GRIP1: variants seen among roughly 807,000 people sequenced by gnomAD.
The protein encoded by GRIP1 is glutamate receptor-interacting protein 1.
A neutral mutation model predicts 129.9 loss-of-function variants in GRIP1; 45 were observed. The observed-to-expected ratio is 0.35, with a 90% CI of 0.27 to 0.44. The LOEUF is 0.44. GRIP1 is among the 20% of genes least tolerant of loss of function. The pLI is 1.00. For missense variants in GRIP1, 1,196 were observed against 1,396.8 expected, an observed-to-expected ratio of 0.86 and a Z score of 2.29; for synonymous variants, 530 against 520.8, an observed-to-expected ratio of 1.02 and a Z score of -0.24.
At chr12:66,991,666 G>T (rs2042396500) in intron 1 of GRIP1, among the ~76,000 whole-genome samples, 1 of 152,150 alleles carries the variant, frequency 6.6e-6, no homozygotes, top group South Asian at 2.1e-4. Flanking sequence ...AAAGCCAAAT[G>T]ATTTATTAAT....
At chr12:66,450,655 AATTT>A (rs1285658818) in intron 11 of GRIP1, among the ~76,000 whole-genome samples, 1 of 152,030 alleles carries the variant, frequency 6.6e-6, no homozygotes, top group Non-Finnish European at 1.5e-5. Context: ...TGTAGTAAAT[AATTT>A]ATGATTTTAT....
chr12:66,535,289 T>G (rs1350150288), intron 4 of GRIP1, among the ~76,000 whole-genome samples: 2 of 152,114 alleles, frequency 1.3e-5, no homozygotes, highest in Non-Finnish European at 2.9e-5. Context: ...TAGCTCTAGA[T>G]AACTGGTTTC....
intron 1 of GRIP1, among the ~76,000 whole-genome samples, chr12:66,654,275 A>G (rs1339745326): frequency 6.6e-6 from 1 of 152,234 alleles, no homozygotes; most frequent in Non-Finnish European, 1.5e-5. Context: ...AAAACTATTC[A>G]AGATGAACTT....
intron 1 of GRIP1, among the ~76,000 whole-genome samples, chr12:66,824,699 C>T (rs75429514): frequency 0.16 from 24,588 of 151,970 alleles, 2,145 homozygotes; most frequent in East Asian, 0.37. Context: ...AAAGGCCACT[C>T]GAAGTGAATT....
intron 2 of GRIP1, among the ~76,000 whole-genome samples, chr12:66,580,374 A>G (rs1175912887): frequency 6.6e-6 from 1 of 150,554 alleles, no homozygotes; most frequent in East Asian, 2.0e-4. Flanking sequence ...ACCAGCTAAC[A>G]TCATCATGAC....
At chr12:66,392,948 T>G in intron 17 of GRIP1, 132 bp from the exon 18 acceptor site, 1 of 858,558 alleles carries the variant, frequency 1.2e-6, no homozygotes. Context: ...CCTTCTTGCT[T>G]TCTCCTGGGC....
At chr12:66,840,103 A>C (rs1388347415) in intron 1 of GRIP1, among the ~76,000 whole-genome samples, 3 of 152,184 alleles carry the variant, frequency 2.0e-5, no homozygotes, top group Admixed American at 6.5e-5. Context: ...ATTCAAGCCC[A>C]TAAGTGCCTC....
At chr12:66,857,653 C>T (rs768312283) in intron 1 of GRIP1, among the ~76,000 whole-genome samples, 2 of 151,794 alleles carry the variant, frequency 1.3e-5, no homozygotes, top group African/African-American at 4.8e-5. Context: ...TCCATCTATG[C>T]TCTAGGCACT....
chr12:67,052,097 G>A (rs953896393), intron 1 of GRIP1, among the ~76,000 whole-genome samples: 10 of 152,176 alleles, frequency 6.6e-5, no homozygotes, highest in South Asian at 2.1e-4. Context: ...TCTATGACAC[G>A]TTTGGAGGCC....
At chr12:67,062,142 T>C (rs932977647) in intron 1 of GRIP1, among the ~76,000 whole-genome samples, 2 of 152,182 alleles carry the variant, frequency 1.3e-5, no homozygotes, top group East Asian at 3.8e-4. Context: ...GACAAAAATC[T>C]GATCCTGACA....
intron 1 of GRIP1, among the ~76,000 whole-genome samples, chr12:66,696,883 A>G (rs2035184609): frequency 6.6e-6 from 1 of 151,578 alleles, no homozygotes; most frequent in African/African-American, 2.4e-5. Flanking sequence ...GGCAGCCTGC[A>G]CCTAATAGAA....
intron 19 of GRIP1, 95 bp from the exon 20 acceptor site, chr12:66,379,531 G>A (rs946984603): frequency 9.1e-6 from 11 of 1,203,970 alleles, no homozygotes; most frequent in African/African-American, 4.5e-5. Context: ...AAATTATAAC[G>A]GCAATGACAA....
chr12:66,817,191 A>G (rs2136971987), intron 1 of GRIP1, among the ~76,000 whole-genome samples: 1 of 138,664 alleles, frequency 7.2e-6, no homozygotes, highest in Admixed American at 7.7e-5. Context: ...TATATACATA[A>G]TTTTCAGTAT....
intron 2 of GRIP1, among the ~76,000 whole-genome samples, chr12:66,586,817 C>T (rs555397479): frequency 5.6e-4 from 86 of 152,348 alleles, no homozygotes; most frequent in Non-Finnish European, 5.1e-4. Context: ...ATCATCATTT[C>T]TTGCCTCAAA....
chr12:67,032,328 A>C (rs906767003), intron 1 of GRIP1, among the ~76,000 whole-genome samples: 5 of 152,286 alleles, frequency 3.3e-5, no homozygotes, highest in Admixed American at 1.3e-4. Flanking sequence ...GTCACTCAAC[A>C]AATATTTGTT....
At chr12:66,592,193 G>C (rs772508250) in intron 2 of GRIP1, among the ~76,000 whole-genome samples, 1 of 152,096 alleles carries the variant, frequency 6.6e-6, no homozygotes, top group Non-Finnish European at 1.5e-5. Context: ...TGGTGTCAAG[G>C]GTATGGTATT....
chr12:66,388,793 CTGTT>C (rs1338112898), intron 19 of GRIP1, among the ~76,000 whole-genome samples: 6 of 152,308 alleles, frequency 3.9e-5, no homozygotes, highest in African/African-American at 1.2e-4. Context: ...GATAGGGCCA[CTGTT>C]TGTTTATTTG....
At chr12:66,379,685 G>A (rs868107590) in intron 19 of GRIP1, among the ~76,000 whole-genome samples, 7 of 152,254 alleles carry the variant, frequency 4.6e-5, no homozygotes, top group Non-Finnish European at 7.4e-5. Context: ...GGACACGGAC[G>A]GCTTAGAACA....
intron 1 of GRIP1, among the ~76,000 whole-genome samples, chr12:66,854,698 C>A (rs2039973020): frequency 6.6e-6 from 1 of 151,924 alleles, no homozygotes; most frequent in African/African-American, 2.4e-5. Context: ...TATGCAAACC[C>A]CAATTTTTCC....
Sources: gnomAD v4.1 joint callset for allele counts (sites outside exome capture counted in the v4.1 genomes callset) on GRCh38, gnomAD v4.1.1 for gene constraint, MANE v1.5 for transcripts, NCBI Gene and HGNC (gene_info 2026-07-23, HGNC 2026-07-21) for gene names.